The following DMD variants were observed in gnomAD, a reference collection of about 807,000 sequenced individuals.
The protein encoded by DMD is mutant dystrophin.
In DMD, 63 loss-of-function variants were observed where a neutral mutation model predicts 330.1. The ratio of observed to expected loss-of-function variants is 0.19; its 90% CI spans 0.16 to 0.24. The LOEUF (loss-of-function observed/expected upper bound fraction) is 0.24. DMD is among the 10% of genes least tolerant of loss of function. DMD has a pLI of 1.00. For missense variants in DMD, 3,344 were observed against 2,684.1 expected (o/e 1.25, Z -5.43); for synonymous variants, 1,223 against 959.8 (o/e 1.27, Z -5.07).
intron 51 of DMD, among the ~76,000 whole-genome samples, chrX:31,752,154 CT>C (rs1233179138): frequency 1.8e-5 from 2 of 112,236 alleles, no homozygotes; most frequent in East Asian, 5.6e-4. Context: ...AGATTTTTAA[CT>C]TAACCACATC....
intron 11 of DMD, among the ~76,000 whole-genome samples, chrX:32,630,238 T>G (rs775864053): frequency 8.1e-5 from 9 of 111,764 alleles, no homozygotes; most frequent in African/African-American, 2.6e-4. Flanking sequence ...CCTTCAGCAC[T>G]TTAAATGTAT....
At chrX:32,883,709 A>C (rs2084193489) in intron 2 of DMD, among the ~76,000 whole-genome samples, 1 of 105,661 alleles carries the variant, frequency 9.5e-6, no homozygotes, top group Non-Finnish European at 1.9e-5. Context: ...CTGTAGTCCC[A>C]GCTACTTGGG....
intron 1 of DMD, among the ~76,000 whole-genome samples, chrX:33,027,884 G>C (rs188503228): frequency 2.7e-5 from 3 of 111,977 alleles, no homozygotes; most frequent in East Asian, 2.8e-4. Flanking sequence ...GTCAGGATGT[G>C]AGAGAAAGAG....
At chrX:32,212,394 T>C (rs1419147694) in intron 44 of DMD, among the ~76,000 whole-genome samples, 2 of 112,150 alleles carry the variant, frequency 1.8e-5, no homozygotes, top group East Asian at 2.8e-4. Flanking sequence ...TTAGTTATAA[T>C]AGGGGCTTAC....
intron 1 of DMD, among the ~76,000 whole-genome samples, chrX:33,070,185 C>A (rs945670047): frequency 6.3e-5 from 7 of 111,891 alleles, no homozygotes; most frequent in Admixed American, 9.6e-5. Context: ...AATGATTATT[C>A]ACTTACAGAG....
chrX:31,718,225 TAA>T (rs1390568967), intron 52 of DMD, among the ~76,000 whole-genome samples: 1 of 111,995 alleles, frequency 8.9e-6, no homozygotes, highest in East Asian at 2.8e-4. Flanking sequence ...GACTGGAATT[TAA>T]GAGAAGCAAC....
At chrX:31,525,282 T>C (rs2073157543) in intron 55 of DMD, among the ~76,000 whole-genome samples, 1 of 111,974 alleles carries the variant, frequency 8.9e-6, no homozygotes, top group South Asian at 3.8e-4. Context: ...ATGCCATATG[T>C]TCGATCACCT....
At chrX:31,470,574 G>C (rs919015199) in intron 59 of DMD, among the ~76,000 whole-genome samples, 12 of 111,997 alleles carry the variant, frequency 1.1e-4, no homozygotes, top group African/African-American at 3.9e-4. Flanking sequence ...CCTGTATGAG[G>C]GTGTCTGTCA....
chrX:32,089,459 C>T (rs778815246), intron 44 of DMD, among the ~76,000 whole-genome samples: 1 of 111,126 alleles, frequency 9.0e-6, no homozygotes, highest in East Asian at 2.8e-4. Context: ...CTCCAGTAGG[C>T]CCCAGTGTGT....
At chrX:31,684,595 TTTG>T (rs746105116) in intron 52 of DMD, among the ~76,000 whole-genome samples, 8 of 111,685 alleles carry the variant, frequency 7.2e-5, no homozygotes, top group South Asian at 3.7e-4. Flanking sequence ...CTCTAGGATT[TTTG>T]TTGTTGTTGT....
chrX:33,153,048 C>T (rs1379620339), intron 1 of DMD, among the ~76,000 whole-genome samples: 1 of 112,617 alleles, frequency 8.9e-6, no homozygotes, highest in Non-Finnish European at 1.9e-5. Context: ...GCATTTACTA[C>T]AGACAATTGA....
chrX:33,235,920 T>TA (rs1569559005), intron 1 of DMD, among the ~76,000 whole-genome samples: 1,140 of 103,844 alleles, frequency 0.011, 28 homozygotes, highest in African/African-American at 0.038. Flanking sequence ...ATTATTATTT[T>TA]TTTTTTTTTT....
intron 54 of DMD, among the ~76,000 whole-genome samples, chrX:31,640,011 T>C (rs1423874058): frequency 2.7e-5 from 3 of 111,151 alleles, no homozygotes; most frequent in Admixed American, 9.6e-5. Context: ...CAATCTCTGA[T>C]CCCTAGAGCT....
intron 2 of DMD, among the ~76,000 whole-genome samples, chrX:32,993,755 T>C (rs2147332524): frequency 9.0e-6 from 1 of 111,278 alleles, no homozygotes; most frequent in Non-Finnish European, 1.9e-5. Context: ...GAGTGCTCAC[T>C]TTTTCTCTTA....
intron 1 of DMD, among the ~76,000 whole-genome samples, chrX:33,070,673 CTATATATA>C (rs59422325): frequency 0.055 from 1,955 of 35,554 alleles, 62 homozygotes; most frequent in African/African-American, 0.084. Context: ...CTCTCTCTCT[CTATATATA>C]TATATATATA....
intron 7 of DMD, among the ~76,000 whole-genome samples, chrX:32,790,098 C>G (rs1247778286): frequency 8.9e-6 from 1 of 111,839 alleles, no homozygotes; most frequent in African/African-American, 3.2e-5. Context: ...AAATCTGGGG[C>G]TTCAAAATGG....
At chrX:31,574,298 A>G (rs915432174) in intron 55 of DMD, among the ~76,000 whole-genome samples, 1 of 107,636 alleles carries the variant, frequency 9.3e-6, no homozygotes, top group African/African-American at 3.4e-5. Context: ...CGCCCACCAC[A>G]ACACCCGGCT....
chrX:32,853,769 G>GA (rs1162458210), intron 2 of DMD, among the ~76,000 whole-genome samples: 18,007 of 55,941 alleles, frequency 0.32, 2,619 homozygotes, highest in Non-Finnish European at 0.36. Flanking sequence ...CACAGTGACA[G>GA]AAAAAAAAAA....
intron 6 of DMD, 31 bp downstream of exon 6, chrX:32,816,437 A>T: frequency 8.3e-7 from 1 of 1,205,440 alleles, no homozygotes; most frequent in Non-Finnish European, 1.1e-6. Flanking sequence ...CCACTTTTAC[A>T]AGTTATTTAA....
Sources: allele counts gnomAD v4.1 joint callset (sites outside exome capture counted in the v4.1 genomes callset), GRCh38; gene constraint gnomAD v4.1.1; transcripts MANE v1.5; gene names NCBI Gene and HGNC (gene_info 2026-07-23, HGNC 2026-07-21).